SSX3: variants seen among roughly 807,000 people sequenced by gnomAD.
The protein encoded by SSX3 is SSX family member 3.
In SSX3, 6 loss-of-function variants were observed where a neutral mutation model predicts 14.8. That is an observed-to-expected ratio of 0.41 (90% CI 0.22 to 0.80). The LOEUF (loss-of-function observed/expected upper bound fraction) is 0.80, where lower values mean the gene tolerates loss of function less well. SSX3 is among the 30% of genes least tolerant of loss of function. The probability of loss-of-function intolerance (pLI) is 0.34; values close to 1 mark genes in which losing one functional copy is unlikely to be tolerated. For synonymous variants in SSX3, 55 were observed against 52.9 expected (o/e 1.04, Z -0.18); for missense variants, 163 against 152.2 (o/e 1.07, Z -0.37).
chrX:48,353,728 A>G (rs1430187722), intron 4 of SSX3, among the ~76,000 whole-genome samples: 1 of 111,114 alleles, frequency 9.0e-6, no homozygotes, highest in Non-Finnish European at 1.9e-5. Flanking sequence ...ACTTACAGCC[A>G]GTCACCTTAG....
intron 4 of SSX3, 80 bp from the exon 5 acceptor site, chrX:48,352,229 T>A: frequency 4.6e-6 from 5 of 1,086,483 alleles, no homozygotes; most frequent in Non-Finnish European, 1.3e-6. Flanking sequence ...CATCAGGGTA[T>A]TCTGCAGCAG....
chrX:48,352,405 A>G (rs371054193), intron 4 of SSX3, among the ~76,000 whole-genome samples: 2 of 112,448 alleles, frequency 1.8e-5, no homozygotes, highest in East Asian at 5.5e-4. Flanking sequence ...ATTCGATTAC[A>G]TATCTTTTAC....
chrX:48,355,764 A>G (rs1156518702), intron 1 of SSX3, among the ~76,000 whole-genome samples: 1 of 111,888 alleles, frequency 8.9e-6, no homozygotes, highest in African/African-American at 3.2e-5. Flanking sequence ...AGCATCGCTA[A>G]TATGAATGTG....
chrX:48,351,923 G>A (rs1351772685), intron 5 of SSX3, among the ~76,000 whole-genome samples, 177 bp downstream of exon 5: 1 of 112,010 alleles, frequency 8.9e-6, no homozygotes, highest in Admixed American at 9.5e-5. Flanking sequence ...AACAAAAGAG[G>A]TATGAACAAT....
rs1556950016 is a variant in SSX3, at chrX:48,352,116, T to C, written c.314A>G (p.Gln105Arg). ...QRPQMTFGRL[Q>R]GIFPKIMPKK... ...GATACTCACCTTCGGGAAGATTCCC[T>C]GGAGCCTGCCGAAAGTCATCTGAGG... The change falls in exon 5 of 8, where the codon CAG becomes CGG. Residue 105 changes from glutamine to arginine, a missense_variant. Coordinates refer to ENST00000298396, the MANE Select transcript of SSX3 (RefSeq NM_021014.4). The C allele has an allele frequency of 8.3e-7, 1 of 1,210,223 alleles. No homozygotes were observed. Among genetic ancestry groups the C allele is most frequent in the East Asian group, 3.0e-5 (1 of 33,822 alleles).
At chrX:48,349,803 T>A (rs2061254116) in intron 6 of SSX3, 184 bp downstream of exon 6, 4 of 1,132,704 alleles carry the variant, frequency 3.5e-6, no homozygotes, top group Non-Finnish European at 4.7e-6. Context: ...TGGTTTTTTT[T>A]TATATGGATG....
At chrX:48,355,064 G>T (rs1556950751) in intron 2 of SSX3, 117 bp downstream of exon 2, 1 of 1,202,510 alleles carries the variant, frequency 8.3e-7, no homozygotes, top group African/African-American at 1.8e-5. Context: ...CAAGGGTCCA[G>T]ATCTCCCCTG....
At chrX:48,351,500 C>T (rs1601982996) in intron 5 of SSX3, among the ~76,000 whole-genome samples, 4 of 112,393 alleles carry the variant, frequency 3.6e-5, no homozygotes, top group Admixed American at 2.8e-4. Flanking sequence ...AATGGAAGCA[C>T]CAGCAGGCCC....
rs782143615 is a variant in SSX3, at chrX:48,349,860, A to G, written c.466+127T>C. ...AAGTCATGTCTAACATCTCATCTGG[A>G]GCTGGGCAAGCTCCTCAGCCCAGCC... On this transcript the variant is annotated intron_variant, in intron 6 of 7. Coordinates refer to ENST00000298396, the MANE Select transcript of SSX3 (RefSeq NM_021014.4). 133 of 1,153,152 alleles carry G rather than the reference A, an allele frequency of 1.2e-4. 1 individual carries two copies. The South Asian group carries it at 2.7e-3, about 24-fold the overall frequency.
At chrX:48,348,506 T>C (rs1298530282) in intron 6 of SSX3, 1 of 491,064 alleles carries the variant, frequency 2.0e-6, no homozygotes, top group East Asian at 3.8e-5. Flanking sequence ...GGCCGTTAAG[T>C]GTTCAAATGA....
intron 5 of SSX3, among the ~76,000 whole-genome samples, chrX:48,350,874 G>A (rs1281600288): frequency 2.8e-5 from 3 of 107,539 alleles, no homozygotes; most frequent in Non-Finnish European, 3.8e-5. Context: ...GCGTTTAAGC[G>A]ATTCTCCTTC....
At chrX:48,352,066 G>C (rs781845060) in intron 5 of SSX3, 34 bp downstream of exon 5, 3 of 1,200,814 alleles carry the variant, frequency 2.5e-6, no homozygotes, top group Non-Finnish European at 3.4e-6. Flanking sequence ...AGGGACAAAG[G>C]TTCTCTGGTC....
chrX:48,354,285 C>CA (rs370532904), intron 3 of SSX3, among the ~76,000 whole-genome samples, 191 bp from the exon 4 acceptor site: 432 of 40,010 alleles, frequency 0.011, 3 homozygotes, highest in African/African-American at 0.033. Context: ...CTGACTCAAA[C>CA]AAAAAAAAAA....
intron 1 of SSX3, among the ~76,000 whole-genome samples, chrX:48,356,068 C>T (rs1394757679): frequency 9.0e-6 from 1 of 111,626 alleles, no homozygotes; most frequent in African/African-American, 3.3e-5. Flanking sequence ...CATCCCAGCA[C>T]TTTGGAAGGC....
rs146352708 is a variant in SSX3 at position 48,355,085 on chromosome X, C to T, written c.69+96G>A. ...TCCAGATCTCCCCTGAGACCCTGCT[C>T]CTTGTCTCCAGTATCTCTGTCCTCC... On this transcript the variant is annotated intron_variant, in intron 2 of 7. Coordinates refer to ENST00000298396, the MANE Select transcript of SSX3 (RefSeq NM_021014.4). The T allele has an allele frequency of 2.2e-3, 2,609 of 1,202,411 alleles. 23 individuals are homozygous for T. The African/African-American group carries it at 0.041, about 19-fold the overall frequency.
chrX:48,355,215 G>C lies in SSX3; in HGVS notation c.35C>G (p.Thr12Arg), dbSNP rs782027981. The change falls in exon 2 of 8, where the codon ACG (threonine) becomes AGG (arginine). Residue 12 changes from threonine to arginine, a missense_variant. Coordinates refer to ENST00000298396, the MANE Select transcript of SSX3 (RefSeq NM_021014.4). The stretch of plus-strand genomic sequence containing the variant: ...CTTCTCTGGTATTTGAGCACCAACC[G>C]TGGGTCTCCTTGCAAAGGTGTCATC... ...NGDDTFARRP[T>R]VGAQIPEKIQ... The C allele has an allele frequency of 2.5e-6, 3 of 1,211,433 alleles. No individual in the cohort carries two copies. The highest frequency in any genetic ancestry group is 5.9e-5 in the East Asian group (2 of 33,850).
At chrX:48,347,744 T>A in intron 6 of SSX3, 140 bp from the exon 7 acceptor site, 1 of 1,071,824 alleles carries the variant, frequency 9.3e-7, no homozygotes, top group South Asian at 2.1e-5. Flanking sequence ...TTCTCTGGCT[T>A]AGAGAGGCTG....
chrX:48,352,019 G>A (rs2061265222), intron 5 of SSX3, 81 bp downstream of exon 5: 3 of 1,117,521 alleles, frequency 2.7e-6, no homozygotes, highest in Non-Finnish European at 3.7e-6. Context: ...GGGCATTGTT[G>A]ATATTCTCCC....
intron 5 of SSX3, 92 bp downstream of exon 5, chrX:48,352,008 A>G (rs2061265183): frequency 1.8e-5 from 19 of 1,076,259 alleles, no homozygotes; most frequent in Non-Finnish European, 2.5e-5. Context: ...GAAGGCAGTG[A>G]GGGCATTGTT....
Sources: allele counts gnomAD v4.1 joint callset (sites outside exome capture counted in the v4.1 genomes callset), GRCh38; gene constraint gnomAD v4.1.1; transcripts MANE v1.5; gene names NCBI Gene and HGNC (gene_info 2026-07-23, HGNC 2026-07-21).